The following CHIC1 variants were observed in gnomAD, a reference collection of about 807,000 sequenced individuals.
CHIC1 encodes cysteine rich hydrophobic domain 1.
In CHIC1, 7 loss-of-function variants were observed where a neutral mutation model predicts 18.5. The observed-to-expected ratio is 0.38, with a 90% CI of 0.22 to 0.71. CHIC1 has a LOEUF of 0.71. CHIC1 is among the 30% of genes least tolerant of loss of function. CHIC1 has a pLI of 0.49. For missense variants in CHIC1, 159 were observed against 176.9 expected (o/e 0.90, Z 0.57); for synonymous variants, 77 against 73.5 (o/e 1.05, Z -0.25).
chrX:73,581,506 G>T (rs1180560930), intron 2 of CHIC1, among the ~76,000 whole-genome samples: 2 of 110,758 alleles, frequency 1.8e-5, no homozygotes, highest in African/African-American at 6.5e-5. Flanking sequence ...CTTTCACGTT[G>T]TTTAAAATTG....
At chrX:73,582,803 C>G (rs2057534030) in intron 2 of CHIC1, among the ~76,000 whole-genome samples, 1 of 110,427 alleles carries the variant, frequency 9.1e-6, no homozygotes, top group Admixed American at 9.6e-5. Flanking sequence ...AACTGAAACT[C>G]AGAAAAATTA....
rs1461065887 is a variant in CHIC1, at chrX:73,627,638, C to T, written c.507+43066C>T. 2.7e-5 allele frequency among the ~76,000 whole-genome samples: 3 copies of T among 111,785 alleles called. No individual in the cohort carries two copies. In the East Asian group the frequency reaches 8.5e-4, roughly 32 times the overall value. ...GAGCACCAGCCAATGTTTCCTTCAG[C>T]CCCAAGGGCTCTTAAGTCAGCTTGT... On this transcript the variant is annotated intron_variant, in intron 3 of 5. Transcript: ENST00000373502.
intron 1 of CHIC1, among the ~76,000 whole-genome samples, chrX:73,573,977 G>C (rs1299388322): frequency 9.1e-6 from 1 of 110,147 alleles, no homozygotes; most frequent in East Asian, 2.9e-4. Context: ...GAAAAGGAGT[G>C]GTGAGGTGGA....
chrX:73,584,467 GA>G lies in CHIC1; in HGVS notation c.407del (p.Lys136ArgfsTer7), dbSNP rs1375170086. 1 of 1,179,688 alleles carries G rather than the reference GA, an allele frequency of 8.5e-7. No individual in the cohort carries two copies. The highest frequency in any genetic ancestry group is 2.4e-5 in the Admixed American group (1 of 41,827). On this transcript the variant is annotated frameshift_variant, in exon 3 of 6. Transcript: ENST00000373502. LOFTEE classifies it high-confidence loss of function. ...GCATTGGCCGTGTGAATGCATGTTT[GA>G]AAAAGGCTCTCCCGGTCAATGTGAA... ...TSIGRVNACL[K>X]KALPVNVKWL...
intron 3 of CHIC1, among the ~76,000 whole-genome samples, chrX:73,663,996 C>T (rs2057993083): frequency 9.0e-6 from 1 of 111,452 alleles, no homozygotes; most frequent in African/African-American, 3.3e-5. Flanking sequence ...CAGTTGCAAC[C>T]CTTTTAGGGT....
intron 1 of CHIC1, among the ~76,000 whole-genome samples, chrX:73,576,666 C>T (rs989136744): frequency 5.4e-5 from 6 of 110,543 alleles, no homozygotes; most frequent in South Asian, 3.7e-4. Context: ...ACCTATCCTC[C>T]GCTAATGTAA....
chrX:73,633,725 T>A (rs1180267869), intron 3 of CHIC1, among the ~76,000 whole-genome samples: 3 of 111,468 alleles, frequency 2.7e-5, no homozygotes, highest in African/African-American at 9.8e-5. Flanking sequence ...TTACTCATTC[T>A]CATTTTTTTT....
chrX:73,650,586 T>C (rs1238516245), intron 3 of CHIC1, among the ~76,000 whole-genome samples: 1 of 108,900 alleles, frequency 9.2e-6, no homozygotes, highest in African/African-American at 3.4e-5. Context: ...CTACAAGAAA[T>C]TGATAAACTC....
rs753065041 is a variant in CHIC1, at chrX:73,681,065, A to T, written c.*60A>T. On this transcript the variant is annotated 3_prime_UTR_variant, in exon 6 of 6. Coordinates refer to ENST00000373502, the MANE Select transcript of CHIC1 (RefSeq NM_001039840.4). ...ATTTCCTACCCTTAGTGCCTTGTAG[A>T]TTTGGAATGAAGATGGTCTCCTTTG... The T allele has an allele frequency of 1.8e-5, 12 of 664,500 alleles. No homozygotes were observed. The highest frequency in any genetic ancestry group is 6.8e-5 in the Admixed American group (2 of 29,294). The allele number at this position is 664,500 out of a possible 1,213,427, so 54.8% of individuals were successfully genotyped here.
At chrX:73,618,593 A>G (rs891133482) in intron 3 of CHIC1, among the ~76,000 whole-genome samples, 1 of 111,889 alleles carries the variant, frequency 8.9e-6, no homozygotes, top group African/African-American at 3.3e-5. Flanking sequence ...GCTCCCATGC[A>G]GCCCAAAAGG....
chrX:73,568,104 C>A (rs987014776), intron 1 of CHIC1, among the ~76,000 whole-genome samples: 1 of 111,385 alleles, frequency 9.0e-6, no homozygotes, highest in Non-Finnish European at 1.9e-5. Context: ...TCAACAAATA[C>A]GTAGTTGAAT....
chrX:73,663,777 T>C (rs1233048437), intron 3 of CHIC1, among the ~76,000 whole-genome samples: 1 of 111,359 alleles, frequency 9.0e-6, no homozygotes, highest in Non-Finnish European at 1.9e-5. Context: ...CCCTTTCTTT[T>C]CCCTGGGCAT....
Position 73,608,114 on chromosome X carries a change from T to C in CHIC1, c.507+23542T>C, listed in dbSNP as rs963217486. Among the ~76,000 whole-genome samples, 5 of 109,578 alleles carry C rather than the reference T, an allele frequency of 4.6e-5. 2 individuals are homozygous for C. The highest frequency in any genetic ancestry group is 1.8e-4 in the African/African-American group (5 of 28,292). On this transcript the variant is annotated intron_variant, in intron 3 of 5. Transcript: ENST00000373502. ...GAGGTCAGCATCCTACTTCACTCTT[T>C]TGCATGGGGATATCCAGGTTTCCCT...
chrX:73,591,272 T>G (rs1477299157), intron 3 of CHIC1, among the ~76,000 whole-genome samples: 3 of 110,727 alleles, frequency 2.7e-5, no homozygotes, highest in Non-Finnish European at 1.9e-5. Flanking sequence ...TGACCCCCCT[T>G]TTTTTAATGA....
chrX:73,626,582 A>G (rs1021752249), intron 3 of CHIC1, among the ~76,000 whole-genome samples: 11 of 109,766 alleles, frequency 1.0e-4, no homozygotes, highest in Non-Finnish European at 7.6e-5. Context: ...CTGTTAAAAG[A>G]CTCATGTATT....
At chrX:73,583,490 A>G (rs973820699) in intron 2 of CHIC1, among the ~76,000 whole-genome samples, 4 of 111,215 alleles carry the variant, frequency 3.6e-5, no homozygotes, top group African/African-American at 1.3e-4. Flanking sequence ...ACCATTGCCT[A>G]ATTTTTGCTT....
intron 3 of CHIC1, among the ~76,000 whole-genome samples, chrX:73,659,985 G>A (rs1326889704): frequency 9.0e-6 from 1 of 111,690 alleles, no homozygotes; most frequent in Admixed American, 9.5e-5. Context: ...GGCTGTGGGA[G>A]CTCCAGTCTA....
chrX:73,625,808 T>A (rs374969634), intron 3 of CHIC1, among the ~76,000 whole-genome samples: 96 of 111,056 alleles, frequency 8.6e-4, no homozygotes, highest in South Asian at 6.2e-3. Flanking sequence ...CATTGCCTTT[T>A]AAGAGGGGCC....
At chrX:73,671,541 A>C (rs893835173) in intron 3 of CHIC1, among the ~76,000 whole-genome samples, 6 of 111,214 alleles carry the variant, frequency 5.4e-5, no homozygotes, top group African/African-American at 2.0e-4. Context: ...TATTTTGCTT[A>C]TCTAGTCTAT....
Sources: gnomAD v4.1 joint callset for allele counts (sites outside exome capture counted in the v4.1 genomes callset) on GRCh38, gnomAD v4.1.1 for gene constraint, MANE v1.5 for transcripts, NCBI Gene and HGNC (gene_info 2026-07-23, HGNC 2026-07-21) for gene names.